The following DIAPH2 variants were observed in gnomAD, a reference collection of about 807,000 sequenced individuals.
DIAPH2 encodes the protein protein diaphanous homolog 2.
Under a neutral mutation model 92.7 loss-of-function variants are expected in DIAPH2, and 35 were observed. That is an observed-to-expected ratio of 0.38 (90% confidence interval 0.29 to 0.50). The LOEUF (loss-of-function observed/expected upper bound fraction) is 0.50. Ranked by LOEUF, DIAPH2 falls within the 20% of genes least tolerant of loss-of-function variation. The probability of loss-of-function intolerance (pLI) is 0.94; values close to 1 mark genes in which losing one functional copy is unlikely to be tolerated. For missense variants in DIAPH2, 701 were observed against 819.5 expected (o/e 0.86, Z 1.77); for synonymous variants, 301 against 280.4 (o/e 1.07, Z -0.73).
At chrX:97,559,211 G>T (rs953313313) in intron 26 of DIAPH2, among the ~76,000 whole-genome samples, 1 of 111,883 alleles carries the variant, frequency 8.9e-6, no homozygotes, top group African/African-American at 3.3e-5. Flanking sequence ...AACAGTCCGG[G>T]TCGGGCATGG....
chrX:97,131,645 A>G (rs2067138915), intron 21 of DIAPH2, among the ~76,000 whole-genome samples: 1 of 112,289 alleles, frequency 8.9e-6, no homozygotes, highest in Non-Finnish European at 1.9e-5. Flanking sequence ...AGTTTTAGTT[A>G]CGTGCTTAAC....
At chrX:96,886,400 A>G (rs907101838) in intron 5 of DIAPH2, among the ~76,000 whole-genome samples, 19 of 110,701 alleles carry the variant, frequency 1.7e-4, no homozygotes, top group African/African-American at 6.2e-4. Context: ...CAAAAAAAAA[A>G]TCTCTTAAAT....
chrX:96,990,132 G>A (rs768644525), intron 17 of DIAPH2, among the ~76,000 whole-genome samples: 1 of 112,229 alleles, frequency 8.9e-6, no homozygotes, highest in South Asian at 3.7e-4. Flanking sequence ...GTTTAGCAAA[G>A]GGAAAATGTC....
chrX:96,910,273 T>C (rs1013665411), intron 5 of DIAPH2, among the ~76,000 whole-genome samples: 4 of 111,653 alleles, frequency 3.6e-5, no homozygotes, highest in African/African-American at 1.3e-4. Flanking sequence ...CATGCCTCAA[T>C]TGGATAGTAG....
chrX:97,509,850 A>C (rs1394004623), intron 26 of DIAPH2, among the ~76,000 whole-genome samples: 1 of 110,292 alleles, frequency 9.1e-6, no homozygotes, highest in Non-Finnish European at 1.9e-5. Context: ...ATCATTTTTT[A>C]TGGCTGCATA....
chrX:96,797,406 G>A (rs2064548953), intron 4 of DIAPH2, among the ~76,000 whole-genome samples: 1 of 111,866 alleles, frequency 8.9e-6, no homozygotes, highest in South Asian at 3.7e-4. Context: ...GCTTGAACTC[G>A]GGAGCCAGAG....
intron 26 of DIAPH2, among the ~76,000 whole-genome samples, chrX:97,579,578 G>A (rs1398535191): frequency 4.5e-5 from 5 of 111,253 alleles, no homozygotes; most frequent in African/African-American, 1.3e-4. Context: ...TAGCCTTGTA[G>A]TATAGTTTGA....
intron 26 of DIAPH2, among the ~76,000 whole-genome samples, chrX:97,489,788 A>G (rs894732544): frequency 1.8e-5 from 2 of 111,601 alleles, no homozygotes; most frequent in Non-Finnish European, 3.8e-5. Context: ...GATAAGTCCC[A>G]TTTGATCATG....
chrX:97,429,340 A>T (rs2070102838), intron 25 of DIAPH2, among the ~76,000 whole-genome samples: 1 of 111,523 alleles, frequency 9.0e-6, no homozygotes, highest in African/African-American at 3.3e-5. Context: ...ATCTTATAAG[A>T]ATCTTAACAG....
intron 17 of DIAPH2, among the ~76,000 whole-genome samples, chrX:96,966,671 A>T (rs2065895445): frequency 8.9e-6 from 1 of 111,975 alleles, no homozygotes; most frequent in South Asian, 3.7e-4. Flanking sequence ...TCTTAATTTA[A>T]TTAATCCCAT....
chrX:96,939,668 A>T (rs1356182432), intron 12 of DIAPH2, among the ~76,000 whole-genome samples: 17 of 48,231 alleles, frequency 3.5e-4, no homozygotes, highest in South Asian at 1.6e-3. Context: ...TTTAGGTAAC[A>T]TTTTTTTTTT....
chrX:96,847,237 T>C (rs1399499086), intron 4 of DIAPH2, among the ~76,000 whole-genome samples: 1 of 111,966 alleles, frequency 8.9e-6, no homozygotes, highest in African/African-American at 3.2e-5. Context: ...AAGGAATAAG[T>C]AGAACCAAGG....
intron 19 of DIAPH2, among the ~76,000 whole-genome samples, chrX:97,078,429 T>C (rs900334728): frequency 2.7e-5 from 3 of 111,735 alleles, no homozygotes; most frequent in Non-Finnish European, 5.6e-5. Flanking sequence ...CATTATCTTC[T>C]AATTAATATT....
chrX:97,052,405 A>G (rs1342729972), intron 17 of DIAPH2, among the ~76,000 whole-genome samples: 1 of 110,735 alleles, frequency 9.0e-6, no homozygotes, highest in Non-Finnish European at 1.9e-5. Context: ...GAGATGGGGG[A>G]AGCAGGGGTA....
intron 16 of DIAPH2, among the ~76,000 whole-genome samples, chrX:96,964,186 G>A (rs994137300): frequency 9.0e-6 from 1 of 111,294 alleles, no homozygotes; most frequent in Non-Finnish European, 1.9e-5. Context: ...TATGTAGTAA[G>A]TTGGTTTAAA....
At chrX:97,316,778 G>GA (rs1044343689) in intron 23 of DIAPH2, among the ~76,000 whole-genome samples, 10 of 111,254 alleles carry the variant, frequency 9.0e-5, no homozygotes, top group East Asian at 5.7e-4. Context: ...ACATATTAAG[G>GA]AAAAAAAACA....
intron 26 of DIAPH2, among the ~76,000 whole-genome samples, chrX:97,571,488 G>A (rs1157813779): frequency 9.0e-6 from 1 of 111,568 alleles, no homozygotes; most frequent in Non-Finnish European, 1.9e-5. Flanking sequence ...TGCAATATAA[G>A]GGGAAAAGTT....
intron 1 of DIAPH2, 42 bp from the exon 2 acceptor site, chrX:96,735,716 T>A: frequency 2.5e-6 from 2 of 797,947 alleles, no homozygotes; most frequent in African/African-American, 4.2e-5. Context: ...GTTTCTCTTA[T>A]CTGATGGGTT....
intron 25 of DIAPH2, among the ~76,000 whole-genome samples, chrX:97,403,941 C>T (rs1405162670): frequency 1.8e-5 from 2 of 109,636 alleles, no homozygotes; most frequent in African/African-American, 3.3e-5. Flanking sequence ...CAACCTCTGC[C>T]TCCCTGGGTT....
Sources: allele counts gnomAD v4.1 joint callset (sites outside exome capture counted in the v4.1 genomes callset), GRCh38; gene constraint gnomAD v4.1.1; transcripts MANE v1.5; gene names NCBI Gene and HGNC (gene_info 2026-07-23, HGNC 2026-07-21).